UBASH3B: variants seen among roughly 807,000 people sequenced by gnomAD.
The protein encoded by UBASH3B is ubiquitin-associated and SH3 domain-containing protein B.
Under a neutral mutation model 83.4 loss-of-function variants are expected in UBASH3B, and 37 were observed. The observed-to-expected ratio is 0.44, with a 90% CI of 0.34 to 0.58. The LOEUF is 0.58. Among genes scored for constraint, UBASH3B ranks in the 20% least tolerant of loss-of-function variants. The probability of loss-of-function intolerance (pLI) is 0.01; values close to 1 mark genes in which losing one functional copy is unlikely to be tolerated. For synonymous variants in UBASH3B, 304 were observed against 318.3 expected (o/e 0.96, Z 0.48); for missense variants, 657 against 827.2 (o/e 0.79, Z 2.52).
At chr11:122,748,904 C>T (rs138785517) in intron 1 of UBASH3B, among the ~76,000 whole-genome samples, 39 of 152,210 alleles carry the variant, frequency 2.6e-4, no homozygotes, top group African/African-American at 8.9e-4. Context: ...TTTTTTCTTT[C>T]TTTTTTTTAA....
At chr11:122,700,265 C>T (rs896844593) in intron 1 of UBASH3B, among the ~76,000 whole-genome samples, 1 of 152,146 alleles carries the variant, frequency 6.6e-6, no homozygotes, top group African/African-American at 2.4e-5. Context: ...ATGAGATGGG[C>T]TGACATCATA....
chr11:122,689,109 T>C (rs1421703352), intron 1 of UBASH3B, among the ~76,000 whole-genome samples: 1 of 152,110 alleles, frequency 6.6e-6, no homozygotes, highest in Non-Finnish European at 1.5e-5. Context: ...CAGCTGTTGG[T>C]TATTTCTGAT....
intron 1 of UBASH3B, among the ~76,000 whole-genome samples, chr11:122,707,145 A>G (rs1864130562): frequency 6.6e-6 from 1 of 152,126 alleles, no homozygotes; most frequent in Non-Finnish European, 1.5e-5. Context: ...AATCCACACA[A>G]TCCACCCCCG....
intron 1 of UBASH3B, among the ~76,000 whole-genome samples, chr11:122,656,718 T>G (rs1863369541): frequency 6.6e-6 from 1 of 152,164 alleles, no homozygotes; most frequent in African/African-American, 2.4e-5. Flanking sequence ...GATGTCGCTC[T>G]CGGGTTCGGT....
chr11:122,712,723 G>A (rs944518295), intron 1 of UBASH3B, among the ~76,000 whole-genome samples: 2 of 151,870 alleles, frequency 1.3e-5, no homozygotes, highest in Admixed American at 1.3e-4. Flanking sequence ...AAAAGCAAAC[G>A]CCCTGAAGTA....
chr11:122,717,895 C>T (rs1334756477), intron 1 of UBASH3B, among the ~76,000 whole-genome samples: 3 of 150,168 alleles, frequency 2.0e-5, no homozygotes, highest in Non-Finnish European at 3.0e-5. Context: ...ATTTCTCACC[C>T]AAGTTTCTTT....
chr11:122,732,525 T>C (rs1860860327), intron 1 of UBASH3B, among the ~76,000 whole-genome samples: 1 of 152,216 alleles, frequency 6.6e-6, no homozygotes, highest in African/African-American at 2.4e-5. Flanking sequence ...GGAATTTTGC[T>C]CTGGGCTGGA....
chr11:122,813,566 G>A lies in UBASH3B; in HGVS notation c.*3680G>A, dbSNP rs1861486182. ...GAGTCTGCACGAACTTAGATAATGA[G>A]GTGCAGGGTTATTTGCATTTAAATT... On this transcript the variant is annotated 3_prime_UTR_variant, in exon 14 of 14. Coordinates refer to ENST00000284273, the MANE Select transcript of UBASH3B (RefSeq NM_032873.5). The A allele has an allele frequency of 6.6e-6, 1 of 152,180 alleles. No individual in the cohort carries two copies. 9.4% of individuals were successfully genotyped at this position (152,180 alleles called of 1,614,324 possible).
rs115267441 is a variant in UBASH3B at position 122,806,201 on chromosome 11, A to G, written c.1596-209A>G. Reference sequence around the variant, plus strand: ...TTTCACCTGGTCACTGTAACGCCATACACATAGCTGTTATTTCTGTACATT... The same window carrying G: ...TTTCACCTGGTCACTGTAACGCCATGCACATAGCTGTTATTTCTGTACATT... On this transcript the variant is annotated intron_variant, in intron 11 of 13. Coordinates refer to ENST00000284273, the MANE Select transcript of UBASH3B (RefSeq NM_032873.5). This position sits in a 1 kb window ranked among gnomAD's most constrained non-coding sequence, Gnocchi z 4.0. 7.0e-3 allele frequency among the ~76,000 whole-genome samples: 1,059 copies of G among 152,334 alleles called. 8 individuals carry two copies. The highest frequency in any genetic ancestry group is 0.024 in the African/African-American group (981 of 41,578).
At chr11:122,771,756 C>T (rs922669811) in intron 1 of UBASH3B, among the ~76,000 whole-genome samples, 1 of 104,676 alleles carries the variant, frequency 9.6e-6, no homozygotes, top group African/African-American at 4.2e-5. Flanking sequence ...AAAACACACA[C>T]ACACACACAC....
chr11:122,769,221 A>T (rs1197124303), intron 1 of UBASH3B, among the ~76,000 whole-genome samples: 1 of 152,290 alleles, frequency 6.6e-6, no homozygotes, highest in African/African-American at 2.4e-5. Flanking sequence ...GAAGGGAGAG[A>T]GAGAGGGGAG....
intron 1 of UBASH3B, among the ~76,000 whole-genome samples, chr11:122,711,860 C>A (rs73613087): frequency 0.042 from 6,381 of 152,172 alleles, 463 homozygotes; most frequent in African/African-American, 0.15. Context: ...AATCTTAAGG[C>A]TAAAAGAACC....
At chr11:122,741,659 A>T (rs1261451148) in intron 1 of UBASH3B, among the ~76,000 whole-genome samples, 1 of 152,094 alleles carries the variant, frequency 6.6e-6, no homozygotes, top group Non-Finnish European at 1.5e-5. Flanking sequence ...GAGAGCACAG[A>T]CCTGTAAGCA....
intron 1 of UBASH3B, among the ~76,000 whole-genome samples, chr11:122,673,374 C>T (rs541070862): frequency 6.6e-5 from 10 of 152,240 alleles, no homozygotes; most frequent in African/African-American, 2.2e-4. Flanking sequence ...CAGGGCTGGG[C>T]GCGGTGGCTC....
intron 1 of UBASH3B, among the ~76,000 whole-genome samples, chr11:122,679,557 T>C (rs1345802879): frequency 6.6e-6 from 1 of 152,166 alleles, no homozygotes; most frequent in Non-Finnish European, 1.5e-5. Context: ...AGGTGATTGG[T>C]ATGTACACTG....
intron 1 of UBASH3B, among the ~76,000 whole-genome samples, chr11:122,657,932 T>C (rs1486450309): frequency 1.3e-5 from 2 of 151,622 alleles, no homozygotes; most frequent in East Asian, 1.9e-4. Flanking sequence ...CCCCAGCAGT[T>C]TGGGAGGCTG....
At chr11:122,769,372 T>C (rs755556441) in intron 1 of UBASH3B, among the ~76,000 whole-genome samples, 8 of 152,244 alleles carry the variant, frequency 5.3e-5, no homozygotes, top group Middle Eastern at 3.4e-3. Flanking sequence ...ACCTCCAACA[T>C]TGGGGATCAA....
intron 1 of UBASH3B, among the ~76,000 whole-genome samples, chr11:122,741,779 C>G (rs958033496): frequency 6.6e-6 from 1 of 152,180 alleles, no homozygotes; most frequent in Non-Finnish European, 1.5e-5. Flanking sequence ...AGAGCCTCTT[C>G]TGGAGTCAGC....
Position 122,690,105 on chromosome 11 carries a change from T to C in UBASH3B, c.161+33895T>C, listed in dbSNP as rs1207541624. ...TGCTTTGGAAGATTAAAGTCCTGCCTTAGGGCAGGTGAATGGTCAGAGAGA... is the reference window on the plus strand; with the variant it reads ...TGCTTTGGAAGATTAAAGTCCTGCCCTAGGGCAGGTGAATGGTCAGAGAGA... On this transcript the variant is annotated intron_variant, in intron 1 of 13. Coordinates refer to ENST00000284273, the MANE Select transcript of UBASH3B (RefSeq NM_032873.5). 6.8e-5 allele frequency among the ~76,000 whole-genome samples: 10 copies of C among 146,428 alleles called. No individual in the cohort carries two copies. The East Asian group carries it at 2.1e-3, about 30-fold the overall frequency.
Sources: gnomAD v4.1 joint callset for allele counts (sites outside exome capture counted in the v4.1 genomes callset) on GRCh38, gnomAD v4.1.1 for gene constraint, Gnocchi (gnomAD v3.1) non-coding constraint, MANE v1.5 for transcripts, NCBI Gene and HGNC (gene_info 2026-07-23, HGNC 2026-07-21) for gene names.